The following PAG1 variants were observed in gnomAD, a reference collection of about 807,000 sequenced individuals.
PAG1 encodes phosphoprotein associated with glycosphingolipid-enriched microdomains 1.
PAG1 carries 23 observed loss-of-function variants against 31.7 expected under a neutral mutation model. That is an observed-to-expected ratio of 0.73 (90% CI 0.52 to 1.03). PAG1 has a LOEUF of 1.03. Among genes scored for constraint, PAG1 ranks in the 50% least tolerant of loss-of-function variants. The pLI, the probability that PAG1 is intolerant of heterozygous loss-of-function variation, is 0.00. For missense variants in PAG1, 473 were observed against 540.7 expected (o/e 0.87, Z 1.24); for synonymous variants, 214 against 210.3 (o/e 1.02, Z -0.15).
chr8:81,051,906 G>A (rs1202518057), intron 2 of PAG1, among the ~76,000 whole-genome samples: 2 of 152,000 alleles, frequency 1.3e-5, no homozygotes, highest in African/African-American at 4.8e-5. Flanking sequence ...TGAGGTGGGC[G>A]GATCACGAGG....
chr8:81,044,121 A>T (rs916131849), intron 2 of PAG1, among the ~76,000 whole-genome samples: 8 of 152,180 alleles, frequency 5.3e-5, no homozygotes, highest in Non-Finnish European at 8.8e-5. Flanking sequence ...CTAAAATGCA[A>T]ATATTAACAC....
intron 3 of PAG1, among the ~76,000 whole-genome samples, chr8:80,999,935 G>A (rs1807754325): frequency 6.6e-6 from 1 of 152,126 alleles, no homozygotes; most frequent in Admixed American, 6.5e-5. Flanking sequence ...GAGGCAGAGT[G>A]CAAGGGCATG....
intron 3 of PAG1, among the ~76,000 whole-genome samples, chr8:80,996,553 A>G (rs1233798590): frequency 6.6e-6 from 1 of 152,010 alleles, no homozygotes; most frequent in African/African-American, 2.4e-5. Context: ...TCCTGCTCAC[A>G]GGTCTAGATG....
At position 80,987,585 on chromosome 8, in the gene PAG1, G is replaced by A. The variant is rs762777436; in HGVS notation, c.178-119C>T. 82 of 682,824 alleles carry A rather than the reference G, an allele frequency of 1.2e-4. 1 individual carries two copies. The highest frequency in any genetic ancestry group is 1.8e-4 in the Non-Finnish European group (71 of 389,302). The allele number at this position is 682,824 out of a possible 1,614,324, so 42.3% of individuals were successfully genotyped here. A position where few individuals can be genotyped will look rare whatever the true frequency, so the allele number is the denominator to read the frequency against. The stretch of plus-strand genomic sequence containing the variant: ...ATTAAAACAGCAGAAACAGAAAACA[G>A]AATCTCCTATAATAGTCCCCCCTTA... On this transcript the variant is annotated intron_variant, in intron 5 of 8. Coordinates refer to ENST00000220597, the MANE Select transcript of PAG1 (RefSeq NM_018440.4).
chr8:81,101,507 A>G (rs1586220573), intron 1 of PAG1, among the ~76,000 whole-genome samples: 1 of 152,186 alleles, frequency 6.6e-6, no homozygotes, highest in African/African-American at 2.4e-5. Flanking sequence ...AGCCATGTCT[A>G]TATTTCTTAT....
rs1809785536 is a variant in PAG1 at position 81,112,056 on chromosome 8, C to G, written c.-699G>C. The G allele has an allele frequency of 6.6e-6, 1 of 152,094 alleles. No individual in the cohort carries two copies. Among genetic ancestry groups the G allele is most frequent in the Admixed American group, 6.5e-5 (1 of 15,272 alleles). The allele number at this position is 152,094 out of a possible 1,614,324, so 9.4% of individuals were successfully genotyped here. A position where few individuals can be genotyped will look rare whatever the true frequency, so the allele number is the denominator to read the frequency against. On this transcript the variant is annotated 5_prime_UTR_variant, in exon 1 of 9. Transcript: ENST00000220597. ...GTACCGCAGCCAGCACTCGCCGCCG[C>G]GCCGCGGAGAATGACAGGCGCCGAG...
intron 3 of PAG1, among the ~76,000 whole-genome samples, chr8:81,003,322 T>A (rs148977234): frequency 6.6e-6 from 1 of 152,288 alleles, no homozygotes; most frequent in East Asian, 1.9e-4. Flanking sequence ...CCAGGTGACA[T>A]CCAGGCTGCC....
At chr8:81,046,880 G>C (rs1436936145) in intron 2 of PAG1, among the ~76,000 whole-genome samples, 1 of 152,012 alleles carries the variant, frequency 6.6e-6, no homozygotes. Context: ...AGTATAGGCT[G>C]TTCCCCCCAT....
chr8:81,013,582 C>A (rs1808021342), intron 3 of PAG1, among the ~76,000 whole-genome samples: 1 of 152,158 alleles, frequency 6.6e-6, no homozygotes, highest in African/African-American at 2.4e-5. Flanking sequence ...TCAAGTTCCC[C>A]TTGCCCTTTG....
At chr8:81,035,475 C>T (rs1421947544) in intron 2 of PAG1, among the ~76,000 whole-genome samples, 1 of 152,196 alleles carries the variant, frequency 6.6e-6, no homozygotes, top group African/African-American at 2.4e-5. Context: ...CAAACAAACA[C>T]AGCTGGCATT....
At chr8:81,082,062 G>A (rs1809274673) in intron 1 of PAG1, among the ~76,000 whole-genome samples, 1 of 151,922 alleles carries the variant, frequency 6.6e-6, no homozygotes, top group Non-Finnish European at 1.5e-5. Context: ...AGACCAGCCT[G>A]GCCAACACAG....
intron 7 of PAG1, among the ~76,000 whole-genome samples, chr8:80,981,944 C>A (rs1219608460): frequency 6.9e-6 from 1 of 145,102 alleles, no homozygotes; most frequent in Non-Finnish European, 1.5e-5. Context: ...TGGCTCACTG[C>A]AGCCTTGACC....
chr8:80,972,938 TAC>T lies in PAG1; in HGVS notation c.*3604_*3605del, dbSNP rs1491437203. On this transcript the variant is annotated 3_prime_UTR_variant, in exon 9 of 9. Coordinates refer to ENST00000220597, the MANE Select transcript of PAG1 (RefSeq NM_018440.4). ...CCAAGTATATACACACACACACGTATACGTGTGTGTGTGTGTGTGTGTGTGTG... is the reference window on the plus strand; with the variant it reads ...CCAAGTATATACACACACACACGTATGTGTGTGTGTGTGTGTGTGTGTGTG... 4.1e-5 allele frequency: 6 copies of T among 147,300 alleles called. No individual in the cohort carries two copies. The highest frequency in any genetic ancestry group is 4.1e-4 in the East Asian group (2 of 4,890). The allele number at this position is 147,300 out of a possible 1,614,324, so 9.1% of individuals were successfully genotyped here.
At chr8:81,014,748 T>G (rs1473546626) in intron 3 of PAG1, among the ~76,000 whole-genome samples, 4 of 152,144 alleles carry the variant, frequency 2.6e-5, no homozygotes, top group South Asian at 4.1e-4. Flanking sequence ...GTGAGAGACA[T>G]GAGGATCAGA....
intron 3 of PAG1, among the ~76,000 whole-genome samples, chr8:80,994,801 A>G (rs1807637179): frequency 6.6e-6 from 1 of 152,260 alleles, no homozygotes; most frequent in Non-Finnish European, 1.5e-5. Context: ...GCCTTGTTTA[A>G]AGAATATTTG....
chr8:80,988,304 TCA>T (rs1232649456), intron 5 of PAG1, among the ~76,000 whole-genome samples: 1 of 152,226 alleles, frequency 6.6e-6, no homozygotes, highest in African/African-American at 2.4e-5. Context: ...TGGAAAGGCA[TCA>T]CCCTTTGTCA....
intron 8 of PAG1, among the ~76,000 whole-genome samples, chr8:80,977,495 T>G (rs969975612): frequency 3.3e-5 from 5 of 152,234 alleles, no homozygotes; most frequent in African/African-American, 1.2e-4. Context: ...ACTCCATGCT[T>G]CCTGCATCAC....
intron 2 of PAG1, chr8:81,037,241 T>C (rs1808476099): frequency 6.6e-6 from 1 of 152,240 alleles, no homozygotes; most frequent in Non-Finnish European, 1.5e-5. Flanking sequence ...GATGTATCCT[T>C]ATACTATCTA....
At chr8:81,066,617 A>G (rs1809012448) in intron 2 of PAG1, among the ~76,000 whole-genome samples, 1 of 152,230 alleles carries the variant, frequency 6.6e-6, no homozygotes, top group African/African-American at 2.4e-5. Context: ...CTAATAAAGG[A>G]TAAGTGAGAA....
Sources: gnomAD v4.1 joint callset for allele counts (sites outside exome capture counted in the v4.1 genomes callset) on GRCh38, gnomAD v4.1.1 for gene constraint, MANE v1.5 for transcripts, NCBI Gene and HGNC (gene_info 2026-07-23, HGNC 2026-07-21) for gene names.